Variants in TIPIN observed in about 807,000 individuals in gnomAD.
TIPIN encodes the protein TIMELESS interacting protein, also known as TIMELESS-interacting protein.
A neutral mutation model predicts 35.6 loss-of-function variants in TIPIN; 29 were observed. The ratio of observed to expected loss-of-function variants is 0.82; its 90% CI spans 0.61 to 1.11. The LOEUF is 1.11. Among genes scored for constraint, TIPIN ranks in the 50% most tolerant of loss-of-function variants. TIPIN has a pLI of 0.00. For missense variants in TIPIN, 296 were observed against 345.4 expected, an observed-to-expected ratio of 0.86 and a Z score of 1.13; for synonymous variants, 102 against 121.5, an observed-to-expected ratio of 0.84 and a Z score of 1.06.
chr15:66,341,063 T>A, intron 7 of TIPIN, 87 bp downstream of exon 7: 5 of 1,211,236 alleles, frequency 4.1e-6, no homozygotes, highest in Non-Finnish European at 5.9e-6. Flanking sequence ...AGAAGTATTT[T>A]ATTTTGGGGG....
At chr15:66,356,823 T>G, upstream of TIPIN, 1 of 720,110 alleles carries the variant, frequency 1.4e-6, no homozygotes, top group Non-Finnish European at 1.7e-6. Context: ...GGTCCCGCCT[T>G]CGGTCCCACA....
intron 1 of TIPIN, among the ~76,000 whole-genome samples, chr15:66,365,304 T>C (rs1003643984): frequency 6.6e-6 from 1 of 152,120 alleles, no homozygotes; most frequent in South Asian, 2.1e-4. Context: ...TAATACATAA[T>C]ACATTCTAAT....
At chr15:66,358,959 G>A (rs1045092137), upstream of TIPIN, among the ~76,000 whole-genome samples, 2 of 151,516 alleles carry the variant, frequency 1.3e-5, no homozygotes, top group African/African-American at 4.9e-5. Context: ...CGAGAGAATC[G>A]CTTGAACCCA....
chr15:66,379,814 C>G, intron 1 of TIPIN: 1 of 1,598,528 alleles, frequency 6.3e-7, no homozygotes. Flanking sequence ...AGTCCCTCCG[C>G]AGGGTTCCTC....
In TIPIN at chr15:66,382,308, T is replaced by C. The variant is rs76534098; in HGVS notation, c.-9+4299A>G. ...TAATCTCAGGTCTTTCTCTCTCAAG[T>C]TGATGCTTTTTTGTTTTGTTTGATT... is the stretch of plus-strand genomic sequence containing the variant. On this transcript the variant is annotated intron_variant, in intron 1 of 7. Transcript: ENST00000562124. The C allele has an allele frequency of 1.1e-3, 1,051 of 980,346 alleles. 31 individuals are homozygous for C. The East Asian group carries it at 0.068, about 64-fold the overall frequency. 60.7% of individuals were successfully genotyped at this position (980,346 alleles called of 1,614,324 possible). A position where few individuals can be genotyped will look rare whatever the true frequency, so the allele number is the denominator to read the frequency against.
intron 1 of TIPIN, among the ~76,000 whole-genome samples, chr15:66,374,592 G>A (rs1474528350): frequency 6.6e-6 from 1 of 151,118 alleles, no homozygotes; most frequent in East Asian, 1.9e-4. Flanking sequence ...TTTTGTTTTT[G>A]TTTTGAGATG....
Position 66,379,406 on chromosome 15 carries a change from C to G in TIPIN, c.-9+7201G>C, listed in dbSNP as rs1221851001. 3.1e-6 allele frequency: 5 copies of G among 1,601,968 alleles called. No homozygotes were observed. In the Admixed American group the frequency reaches 6.7e-5, roughly 21 times the overall value. ...TACCATTCAAAAATTTCCTGATATC[C>G]TTGTTTTAAACTGTTGTGGCTTGCT... On this transcript the variant is annotated intron_variant, in intron 1 of 7. Transcript: ENST00000562124.
At chr15:66,353,504 C>T (rs2093182855) in intron 1 of TIPIN, among the ~76,000 whole-genome samples, 1 of 151,312 alleles carries the variant, frequency 6.6e-6, no homozygotes, top group South Asian at 2.1e-4. Flanking sequence ...TAGTCCCATC[C>T]ACTCGGCAGG....
At chr15:66,376,621 G>C (rs747466612) in intron 1 of TIPIN, among the ~76,000 whole-genome samples, 2 of 151,164 alleles carry the variant, frequency 1.3e-5, no homozygotes, top group Non-Finnish European at 3.0e-5. Flanking sequence ...GTAGAGATGA[G>C]GTTTCATCAT....
chr15:66,343,469 C>T (rs2093102411), intron 6 of TIPIN, among the ~76,000 whole-genome samples: 1 of 152,036 alleles, frequency 6.6e-6, no homozygotes, highest in Non-Finnish European at 1.5e-5. Flanking sequence ...AACATAAAGA[C>T]AGACCTTTAC....
chr15:66,356,311 C>A (rs1363755449), intron 1 of TIPIN, among the ~76,000 whole-genome samples: 1 of 152,174 alleles, frequency 6.6e-6, no homozygotes, highest in African/African-American at 2.4e-5. Context: ...CAACTTCATT[C>A]ATTCATCCAA....
At chr15:66,378,141 T>C (rs1470092486) in intron 1 of TIPIN, among the ~76,000 whole-genome samples, 1 of 152,248 alleles carries the variant, frequency 6.6e-6, no homozygotes, top group Admixed American at 6.5e-5. Context: ...TAGCTGGGAT[T>C]ACAGGTGTAT....
intron 1 of TIPIN, among the ~76,000 whole-genome samples, chr15:66,354,297 T>C (rs1382496395): frequency 6.6e-6 from 1 of 152,132 alleles, no homozygotes; most frequent in African/African-American, 2.4e-5. Flanking sequence ...ACTTCTAAAT[T>C]TTCCTAACTC....
intron 1 of TIPIN, chr15:66,379,431 T>C: frequency 6.2e-7 from 1 of 1,603,872 alleles, no homozygotes; most frequent in East Asian, 2.2e-5. Flanking sequence ...TGTGGCTTGC[T>C]GAATCAAAGC....
rs1280059746 is a variant in TIPIN, at chr15:66,339,155, A to AAG, written c.683-1975_683-1974insCT. Among the ~76,000 whole-genome samples, 350 of 51,972 alleles carry AAG rather than the reference A, an allele frequency of 6.7e-3. 86 individuals are homozygous for AAG. Among genetic ancestry groups the AAG allele is most frequent in the East Asian group, 0.015 (28 of 1,904 alleles). The allele number at this position is 51,972 out of a possible 152,430, so 34.1% of individuals were successfully genotyped here. ...TCAAAAAAAAAAAAAAAAAAAAAAAAAAGCAAAAAGAAAAAGTAAATTCAT... is the reference window on the plus strand; with the variant it reads ...TCAAAAAAAAAAAAAAAAAAAAAAAAAGAAGCAAAAAGAAAAAGTAAATTCAT... On this transcript the variant is annotated intron_variant, in intron 7 of 7. Transcript: ENST00000261881.
chr15:66,365,700 C>A (rs2093251217), intron 1 of TIPIN, among the ~76,000 whole-genome samples: 2 of 152,110 alleles, frequency 1.3e-5, no homozygotes. Flanking sequence ...GTGCGTGGCA[C>A]CATGCCCGGC....
rs1387833001 is a variant in TIPIN, at chr15:66,352,079, T to A, written c.212+50A>T. 5.7e-6 allele frequency: 8 copies of A among 1,398,070 alleles called. No individual in the cohort carries two copies. In the South Asian group the frequency reaches 1.1e-4, roughly 19 times the overall value. 86.6% of individuals were successfully genotyped at this position (1,398,070 alleles called of 1,614,324 possible). On this transcript the variant is annotated intron_variant, in intron 3 of 7. Transcript: ENST00000261881. ...GTTTATAACATTAGAAGAAAAACAA[T>A]GGATATTAAAAATAAAAAGTATAAA...
At chr15:66,354,681 T>C (rs1355241537) in intron 1 of TIPIN, among the ~76,000 whole-genome samples, 4 of 152,240 alleles carry the variant, frequency 2.6e-5, no homozygotes, top group African/African-American at 9.6e-5. Flanking sequence ...CTATGCTTTT[T>C]CTTTCCTTGA....
intron 6 of TIPIN, among the ~76,000 whole-genome samples, chr15:66,343,549 G>T (rs1360384211): frequency 6.6e-6 from 1 of 152,070 alleles, no homozygotes; most frequent in Non-Finnish European, 1.5e-5. Flanking sequence ...CCCTTTTAAG[G>T]TTTCTTCCTT....
Sources: gnomAD v4.1 joint callset for allele counts (sites outside exome capture counted in the v4.1 genomes callset) on GRCh38, gnomAD v4.1.1 for gene constraint, MANE v1.5 for transcripts, NCBI Gene and HGNC (gene_info 2026-07-23, HGNC 2026-07-21) for gene names.